The following RBFOX1 variants were observed in gnomAD, a reference collection of about 807,000 sequenced individuals.
RBFOX1 encodes the protein RNA binding protein fox-1 homolog 1.
Under a neutral mutation model 57.7 loss-of-function variants are expected in RBFOX1, and 8 were observed. That is an observed-to-expected ratio of 0.14 (90% CI 0.08 to 0.25). The LOEUF (loss-of-function observed/expected upper bound fraction) is 0.25. Ranked by LOEUF, RBFOX1 falls within the 10% of genes least tolerant of loss-of-function variation. RBFOX1 has a pLI of 1.00. For missense variants in RBFOX1, 611 were observed against 548.5 expected, an observed-to-expected ratio of 1.11 and a Z score of -1.14; for synonymous variants, 326 against 222.4, an observed-to-expected ratio of 1.47 and a Z score of -4.15.
intron 3 of RBFOX1, among the ~76,000 whole-genome samples, chr16:6,848,070 G>A (rs2093857069): frequency 1.3e-5 from 2 of 152,006 alleles, no homozygotes; most frequent in African/African-American, 4.8e-5. Flanking sequence ...GACCTCAAGT[G>A]ATCCACCCAC....
chr16:5,965,252 T>C (rs763680471), intron 4 of RBFOX1, among the ~76,000 whole-genome samples: 1 of 152,172 alleles, frequency 6.6e-6, no homozygotes, highest in Non-Finnish European at 1.5e-5. Context: ...TAGTTAATAA[T>C]AATGTGGTGT....
intron 10 of RBFOX1, among the ~76,000 whole-genome samples, chr16:7,618,841 A>C (rs1213330055): frequency 6.6e-6 from 1 of 152,238 alleles, no homozygotes; most frequent in Non-Finnish European, 1.5e-5. Context: ...GTGACAGTTA[A>C]TGCATTTCTA....
At chr16:5,842,760 T>C (rs1381847583) in intron 3 of RBFOX1, among the ~76,000 whole-genome samples, 1 of 152,194 alleles carries the variant, frequency 6.6e-6, no homozygotes, top group East Asian at 1.9e-4. Flanking sequence ...CTCCATTGAC[T>C]GAACAGCTAC....
At chr16:6,726,919 A>C (rs368683708) in intron 3 of RBFOX1, among the ~76,000 whole-genome samples, 1 of 152,040 alleles carries the variant, frequency 6.6e-6, no homozygotes, top group Non-Finnish European at 1.5e-5. Context: ...AATAAAGGAC[A>C]CTTTCAGGAC....
chr16:7,479,074 G>A (rs776547065), intron 4 of RBFOX1, among the ~76,000 whole-genome samples: 7 of 151,560 alleles, frequency 4.6e-5, no homozygotes, highest in Admixed American at 6.6e-5. Flanking sequence ...AGGCAGGAAT[G>A]CACTCAGGTT....
At chr16:6,174,237 A>G (rs762196327) in intron 1 of RBFOX1, among the ~76,000 whole-genome samples, 1 of 152,172 alleles carries the variant, frequency 6.6e-6, no homozygotes, top group Non-Finnish European at 1.5e-5. Flanking sequence ...GGCAAGATCA[A>G]TACCTCATTG....
chr16:5,458,087 T>C (rs925358402), intron 1 of RBFOX1, among the ~76,000 whole-genome samples: 1 of 152,192 alleles, frequency 6.6e-6, no homozygotes, highest in African/African-American at 2.4e-5. Context: ...TTTGTGTAAA[T>C]CATTAATCTC....
chr16:5,802,474 A>C (rs1202004673), intron 3 of RBFOX1, among the ~76,000 whole-genome samples: 1 of 152,098 alleles, frequency 6.6e-6, no homozygotes, highest in African/African-American at 2.4e-5. Flanking sequence ...GGAAAGCTTA[A>C]AGTGATTCTT....
chr16:7,669,769 G>C (rs929212435), intron 13 of RBFOX1, among the ~76,000 whole-genome samples: 2 of 152,156 alleles, frequency 1.3e-5, no homozygotes, highest in Non-Finnish European at 2.9e-5. Flanking sequence ...AACATGTAAA[G>C]CTGGAAAGTA....
At chr16:7,361,771 G>A (rs1401948728) in intron 4 of RBFOX1, among the ~76,000 whole-genome samples, 1 of 152,112 alleles carries the variant, frequency 6.6e-6, no homozygotes, top group African/African-American at 2.4e-5. Context: ...GCATCAAGGG[G>A]CAAACCGTGT....
rs1555576485 is a variant in RBFOX1, at chr16:7,546,025, A to AAAAAAG, written c.270+27647_270+27652dup. On this transcript the variant is annotated intron_variant, in intron 5 of 15. Transcript: ENST00000550418. ...TGACTCTGAGCTTATAAAAAAAAAAAAAAAAGAAAAAGAAAATCAGGCCAG... is the reference window on the plus strand; with the variant it reads ...TGACTCTGAGCTTATAAAAAAAAAAAAAAAAGAAAAAGAAAAAGAAAATCAGGCCAG... Among the ~76,000 whole-genome samples the AAAAAAG allele has an allele frequency of 2.0e-4, 29 of 148,686 alleles. 1 individual carries two copies. Among genetic ancestry groups the AAAAAAG allele is most frequent in the African/African-American group, 7.3e-4 (29 of 39,998 alleles).
chr16:5,856,077 A>T (rs1471678106), intron 3 of RBFOX1, among the ~76,000 whole-genome samples: 2 of 121,970 alleles, frequency 1.6e-5, no homozygotes, highest in African/African-American at 6.2e-5. Flanking sequence ...TGATTTTTGT[A>T]TGTGGATTTT....
chr16:5,913,165 A>T (rs1033953166), intron 4 of RBFOX1, among the ~76,000 whole-genome samples: 1 of 152,214 alleles, frequency 6.6e-6, no homozygotes, highest in Non-Finnish European at 1.5e-5. Context: ...TAAGGATAGC[A>T]GGTTGACCTG....
chr16:5,911,079 G>A (rs187274144), intron 4 of RBFOX1, among the ~76,000 whole-genome samples: 2 of 152,156 alleles, frequency 1.3e-5, no homozygotes, highest in Admixed American at 6.6e-5. Context: ...CTTAGCATCT[G>A]CTTCTAGGGG....
intron 3 of RBFOX1, among the ~76,000 whole-genome samples, chr16:6,989,129 C>G (rs188273703): frequency 9.1e-4 from 139 of 152,232 alleles, no homozygotes; most frequent in Non-Finnish European, 1.5e-3. Flanking sequence ...CTCTTGACCT[C>G]AAGTGATCTG....
chr16:5,366,584 C>A, intron 1 of RBFOX1: 2 of 385,460 alleles, frequency 5.2e-6, no homozygotes, highest in Admixed American at 3.3e-5. Context: ...AAAGGTGATT[C>A]TTTTCCCAGA....
intron 1 of RBFOX1, among the ~76,000 whole-genome samples, chr16:6,199,823 C>G (rs2097203850): frequency 2.0e-5 from 3 of 152,138 alleles, no homozygotes; most frequent in Non-Finnish European, 2.9e-5. Context: ...AACAAATTTA[C>G]ACACTGCTCT....
At chr16:5,898,060 G>A (rs2058210595) in intron 4 of RBFOX1, among the ~76,000 whole-genome samples, 1 of 152,076 alleles carries the variant, frequency 6.6e-6, no homozygotes, top group African/African-American at 2.4e-5. Flanking sequence ...GACTGGGTAG[G>A]CCTCAGGAAT....
intron 4 of RBFOX1, among the ~76,000 whole-genome samples, chr16:6,007,610 C>T (rs1680947392): frequency 6.6e-6 from 1 of 152,210 alleles, no homozygotes; most frequent in Non-Finnish European, 1.5e-5. Context: ...GAGTAAACAA[C>T]ACTAGCAAGA....
Sources: gnomAD v4.1 joint callset for allele counts (sites outside exome capture counted in the v4.1 genomes callset) on GRCh38, gnomAD v4.1.1 for gene constraint, MANE v1.5 for transcripts, NCBI Gene and HGNC (gene_info 2026-07-23, HGNC 2026-07-21) for gene names.